RPS19: variants seen among roughly 807,000 people sequenced by gnomAD.
RPS19 encodes the protein ribosomal protein S19, also known as small ribosomal subunit protein eS19.
A neutral mutation model predicts 20.3 loss-of-function variants in RPS19; 1 was observed. The observed-to-expected ratio is 0.05, with a 90% CI of 0.02 to 0.23. The LOEUF (loss-of-function observed/expected upper bound fraction) is 0.23. Ranked by LOEUF, RPS19 falls within the 10% of genes least tolerant of loss-of-function variation. RPS19 has a pLI of 1.00. For synonymous variants in RPS19, 87 were observed against 74.8 expected (o/e 1.16, Z -0.84); for missense variants, 111 against 192.7 (o/e 0.58, Z 2.51).
At chr19:41,865,473 C>T (rs1458426341) in intron 3 of RPS19, among the ~76,000 whole-genome samples, 1 of 152,122 alleles carries the variant, frequency 6.6e-6, no homozygotes, top group Non-Finnish European at 1.5e-5. Context: ...CACAAACCAC[C>T]TGGAGGATAG....
At chr19:41,864,224 G>C (rs147575700) in intron 3 of RPS19, 1 of 152,266 alleles carries the variant, frequency 6.6e-6, no homozygotes, top group Non-Finnish European at 1.5e-5. Flanking sequence ...CCTGGTGTGC[G>C]TCTGAGAGCA....
intron 3 of RPS19, among the ~76,000 whole-genome samples, chr19:41,867,039 C>T (rs2074097670): frequency 6.6e-6 from 1 of 150,618 alleles, no homozygotes; most frequent in Non-Finnish European, 1.5e-5. Flanking sequence ...AATATCGGGG[C>T]CAGCACAGTG....
intron 5 of RPS19, among the ~76,000 whole-genome samples, chr19:41,870,258 G>A (rs2074133067): frequency 6.6e-6 from 1 of 151,820 alleles, no homozygotes; most frequent in African/African-American, 2.4e-5. Flanking sequence ...AAAAAAAATT[G>A]GAGGGAACTC....
intron 5 of RPS19, among the ~76,000 whole-genome samples, chr19:41,870,766 G>A (rs2075752): frequency 1.7e-4 from 25 of 150,518 alleles, no homozygotes; most frequent in African/African-American, 5.6e-4. Flanking sequence ...GGGGCTTGGC[G>A]CACACATCAT....
At position 41,860,948 on chromosome 19, in the gene RPS19, G is replaced by T. The variant is rs141019240; in HGVS notation, c.71+103G>T. ...GTCCCTGGCAGGCGAGGCTTGTTTG[G>T]GGCCTCCGTGGCTCCTTTCAGCGTG... On this transcript the variant is annotated intron_variant, in intron 2 of 5. Transcript: ENST00000598742. 515 of 1,187,146 alleles carry T rather than the reference G, an allele frequency of 4.3e-4. 1 individual carries two copies. The African/African-American group carries it at 7.2e-3, about 17-fold the overall frequency. The allele number at this position is 1,187,146 out of a possible 1,614,324, so 73.5% of individuals were successfully genotyped here.
intron 3 of RPS19, among the ~76,000 whole-genome samples, 188 bp from the exon 4 acceptor site, chr19:41,868,843 G>A (rs1600620769): frequency 6.6e-6 from 1 of 151,698 alleles, no homozygotes; most frequent in East Asian, 1.9e-4. Flanking sequence ...AGGGTGCAGG[G>A]CTGTTTGTCA....
At chr19:41,860,394 C>T (rs567956644) in intron 1 of RPS19, 105 bp downstream of exon 1, 366 of 177,406 alleles carry the variant, frequency 2.1e-3, no homozygotes, top group African/African-American at 8.5e-3. Flanking sequence ...GCGGGCCCGT[C>T]CCGCCCCCTA....
intron 3 of RPS19, among the ~76,000 whole-genome samples, chr19:41,863,693 G>C (rs1187142541): frequency 6.6e-6 from 1 of 152,090 alleles, no homozygotes; most frequent in Non-Finnish European, 1.5e-5. Flanking sequence ...ATGGAGCAGA[G>C]CTGTAGGAGT....
At chr19:41,866,480 G>C (rs1568793246) in intron 3 of RPS19, among the ~76,000 whole-genome samples, 1 of 152,180 alleles carries the variant, frequency 6.6e-6, no homozygotes, top group Non-Finnish European at 1.5e-5. Flanking sequence ...CTTACGCCAG[G>C]TGAGTCTGTC....
intron 3 of RPS19, among the ~76,000 whole-genome samples, chr19:41,862,091 C>T (rs534953857): frequency 6.6e-6 from 1 of 152,244 alleles, no homozygotes; most frequent in East Asian, 1.9e-4. Flanking sequence ...GAAGTGGGGA[C>T]TCCATCCTGA....
At chr19:41,862,294 G>C (rs1555839433) in intron 3 of RPS19, among the ~76,000 whole-genome samples, 1 of 152,210 alleles carries the variant, frequency 6.6e-6, no homozygotes, top group East Asian at 1.9e-4. Context: ...GCCATGGAGT[G>C]AGCACAGAGG....
chr19:41,861,338 C>T (rs1276931489), intron 3 of RPS19, 126 bp downstream of exon 3: 2 of 727,098 alleles, frequency 2.8e-6, no homozygotes, highest in Admixed American at 4.1e-5. Flanking sequence ...GTTGTGTCAC[C>T]ACTTGCTTTG....
Position 41,871,673 on chromosome 19 carries a change from C to G in RPS19, c.*296C>G. The G allele has an allele frequency of 2.4e-6, 1 of 413,676 alleles. No individual in the cohort carries two copies. Among genetic ancestry groups the G allele is most frequent in the Non-Finnish European group, 4.5e-6 (1 of 224,604 alleles). 25.6% of individuals were successfully genotyped at this position (413,676 alleles called of 1,614,324 possible). On this transcript the variant is annotated 3_prime_UTR_variant, in exon 6 of 6. Transcript: ENST00000598742. ...GAGGGGGCCCAGGGTGATTGGGTGG[C>G]TGTTTACCCGGCAGCCAGTCGGGCC... is the stretch of plus-strand genomic sequence containing the variant.
In RPS19 at chr19:41,869,025, C is replaced by T. The variant is rs1555841294; in HGVS notation, c.173-6C>T. 1.9e-6 allele frequency: 3 copies of T among 1,613,408 alleles called. No individual in the cohort carries two copies. The highest frequency in any genetic ancestry group is 4.5e-5 in the East Asian group (2 of 44,862). On this transcript the variant is annotated splice_polypyrimidine_tract_variant and splice_region_variant and intron_variant, in intron 3 of 5. Transcript: ENST00000598742. ...CCCTTAAATCTCCCTCTCACACTAC[C>T]CCCAGCTTCCACAGCGCGGCACCTG...
At chr19:41,869,804 A>G (rs782125099) in intron 5 of RPS19, 51 bp downstream of exon 5, 6 of 1,576,746 alleles carry the variant, frequency 3.8e-6, no homozygotes, top group Non-Finnish European at 5.2e-6. Context: ...CTGCCCAAGC[A>G]TTTCCAAAGC....
At chr19:41,863,944 G>A (rs1356271241) in intron 3 of RPS19, 1 of 150,832 alleles carries the variant, frequency 6.6e-6, no homozygotes, top group Non-Finnish European at 1.5e-5. Flanking sequence ...CCGGGTTCAA[G>A]CAATTCTCCT....
intron 3 of RPS19, chr19:41,864,073 C>A (rs1555839942): frequency 6.6e-6 from 1 of 152,188 alleles, no homozygotes. Flanking sequence ...GATCTCTTGA[C>A]CTCGTGATCC....
intron 2 of RPS19, 121 bp from the exon 3 acceptor site, chr19:41,860,991 C>T (rs1464197368): frequency 3.6e-6 from 4 of 1,099,672 alleles, no homozygotes; most frequent in African/African-American, 3.1e-5. Flanking sequence ...GCTTGTGTTC[C>T]GGTTCCAGCC....
At chr19:41,861,068 G>A in intron 2 of RPS19, 44 bp from the exon 3 acceptor site, 4 of 1,476,970 alleles carry the variant, frequency 2.7e-6, no homozygotes, top group Non-Finnish European at 3.8e-6. Context: ...GGGGTAGTTT[G>A]TGGAGATGAC....
Sources: allele counts gnomAD v4.1 joint callset (sites outside exome capture counted in the v4.1 genomes callset), GRCh38; gene constraint gnomAD v4.1.1; transcripts MANE v1.5; gene names NCBI Gene and HGNC (gene_info 2026-07-23, HGNC 2026-07-21).